The following CNTN4 variants were observed in gnomAD, a reference collection of about 807,000 sequenced individuals.
CNTN4 encodes contactin-4.
Under a neutral mutation model 122.5 loss-of-function variants are expected in CNTN4, and 77 were observed. The ratio of observed to expected loss-of-function variants is 0.63; its 90% CI spans 0.52 to 0.76. The LOEUF is 0.76. Among genes scored for constraint, CNTN4 ranks in the 30% least tolerant of loss-of-function variants. CNTN4 has a pLI of 0.00. For missense variants in CNTN4, 1,256 were observed against 1,259.1 expected, an observed-to-expected ratio of 1.00 and a Z score of 0.04; for synonymous variants, 512 against 447.0, an observed-to-expected ratio of 1.15 and a Z score of -1.83.
chr3:2,146,753 T>C (rs954054974), intron 2 of CNTN4, among the ~76,000 whole-genome samples: 2 of 152,218 alleles, frequency 1.3e-5, no homozygotes, highest in African/African-American at 4.8e-5. Flanking sequence ...ATATGTCACC[T>C]TACCTATAAA....
intron 3 of CNTN4, among the ~76,000 whole-genome samples, chr3:2,372,600 A>G (rs1014903296): frequency 7.9e-5 from 12 of 152,206 alleles, no homozygotes; most frequent in Non-Finnish European, 1.5e-5. Flanking sequence ...AAGTAAATTC[A>G]TTGTCTTTTG....
At chr3:2,877,148 T>C (rs1485023889) in intron 8 of CNTN4, among the ~76,000 whole-genome samples, 1 of 152,226 alleles carries the variant, frequency 6.6e-6, no homozygotes, top group East Asian at 1.9e-4. Context: ...ATTGCCTGCA[T>C]GTGCCCCATT....
At chr3:2,748,965 C>G (rs892897348) in intron 6 of CNTN4, among the ~76,000 whole-genome samples, 14 of 152,114 alleles carry the variant, frequency 9.2e-5, no homozygotes, top group African/African-American at 3.4e-4. Context: ...GCCTGATCAG[C>G]TTTTCTCATG....
At position 2,167,844 on chromosome 3, in the gene CNTN4, A is replaced by G. The variant is rs536994733; in HGVS notation, c.-145+67205A>G. Among the ~76,000 whole-genome samples, 11 of 152,316 alleles carry G rather than the reference A, an allele frequency of 7.2e-5. No homozygotes were observed. In the South Asian group the frequency reaches 1.7e-3, roughly 23 times the overall value. ...CCTCGTTTGAGAACCCCTGGTTTGA[A>G]TATTACAGTTCAGTTAAGATTTATT... On this transcript the variant is annotated intron_variant, in intron 2 of 24. Coordinates refer to ENST00000418658, the MANE Select transcript of CNTN4 (RefSeq NM_175607.3).
intron 6 of CNTN4, among the ~76,000 whole-genome samples, chr3:2,752,847 C>T (rs1409673042): frequency 1.3e-5 from 2 of 152,190 alleles, no homozygotes; most frequent in Non-Finnish European, 2.9e-5. Context: ...TATTTAGCTT[C>T]CACATACAAT....
chr3:2,924,635 T>A (rs567789765), intron 12 of CNTN4, among the ~76,000 whole-genome samples: 2 of 152,346 alleles, frequency 1.3e-5, no homozygotes, highest in East Asian at 3.9e-4. Flanking sequence ...TGATAGTATT[T>A]CCATAGGACT....
At chr3:2,633,497 G>C (rs1226578140) in intron 4 of CNTN4, among the ~76,000 whole-genome samples, 1 of 152,186 alleles carries the variant, frequency 6.6e-6, no homozygotes, top group African/African-American at 2.4e-5. Flanking sequence ...AAACACATAG[G>C]CTTCTCACGT....
intron 7 of CNTN4, among the ~76,000 whole-genome samples, chr3:2,852,324 G>T (rs191491721): frequency 6.6e-6 from 1 of 152,032 alleles, no homozygotes; most frequent in Admixed American, 6.5e-5. Context: ...AATAACTTTA[G>T]GAAAATAAAA....
chr3:2,396,562 T>A (rs2046648055), intron 3 of CNTN4, among the ~76,000 whole-genome samples: 2 of 151,998 alleles, frequency 1.3e-5, no homozygotes, highest in South Asian at 4.1e-4. Flanking sequence ...CCCTTTGAAT[T>A]AGCTGCTTAA....
At chr3:2,270,074 C>T (rs1237848834) in intron 2 of CNTN4, among the ~76,000 whole-genome samples, 1 of 92,236 alleles carries the variant, frequency 1.1e-5, no homozygotes, top group Non-Finnish European at 2.4e-5. Context: ...CTCAGCCTCC[C>T]CAGTAGCTGG....
intron 2 of CNTN4, among the ~76,000 whole-genome samples, chr3:2,191,365 C>G (rs1017075558): frequency 6.6e-6 from 1 of 151,890 alleles, no homozygotes; most frequent in African/African-American, 2.4e-5. Flanking sequence ...TCAGTATAGC[C>G]CCTACATTAA....
intron 3 of CNTN4, chr3:2,362,747 C>A (rs1464426305): frequency 3.4e-6 from 1 of 298,206 alleles, no homozygotes; most frequent in Non-Finnish European, 6.6e-6. Context: ...CAGCTTTAAC[C>A]TCTGAACTGA....
intron 14 of CNTN4, among the ~76,000 whole-genome samples, chr3:3,008,475 C>T (rs1057031287): frequency 6.6e-6 from 1 of 152,220 alleles, no homozygotes; most frequent in African/African-American, 2.4e-5. Context: ...ATCCTCAACT[C>T]ATTAAATATG....
rs79516275 is a variant in CNTN4 at position 2,725,434 on chromosome 3, C to T, written c.56-10781C>T. Reference sequence around the variant, plus strand: ...AGATTCTTTATGCGTAGAAAGAATACACAAATGCATATTGAAGGCATTAGC... The same window carrying T: ...AGATTCTTTATGCGTAGAAAGAATATACAAATGCATATTGAAGGCATTAGC... On this transcript the variant is annotated intron_variant, in intron 4 of 24. Coordinates refer to ENST00000418658, the MANE Select transcript of CNTN4 (RefSeq NM_175607.3). Among the ~76,000 whole-genome samples the T allele has an allele frequency of 5.2e-4, 79 of 152,208 alleles. No homozygotes were observed. The East Asian group carries it at 0.014, about 28-fold the overall frequency.
intron 4 of CNTN4, among the ~76,000 whole-genome samples, chr3:2,641,356 T>A (rs1188663634): frequency 6.6e-6 from 1 of 152,184 alleles, no homozygotes; most frequent in Non-Finnish European, 1.5e-5. Flanking sequence ...ATTATTCACA[T>A]TTTTTGTAGA....
intron 6 of CNTN4, among the ~76,000 whole-genome samples, chr3:2,771,224 G>A (rs148697370): frequency 3.3e-5 from 5 of 152,322 alleles, no homozygotes; most frequent in African/African-American, 4.8e-5. Context: ...TGTTTCTTTG[G>A]TTGAAAAGCA....
chr3:2,132,492 G>C (rs1299434526), intron 2 of CNTN4: 2 of 152,120 alleles, frequency 1.3e-5, no homozygotes, highest in Admixed American at 1.3e-4. Context: ...CTCAAATGAA[G>C]GTGAGCAGCT....
chr3:2,316,002 G>T (rs1034552263), intron 2 of CNTN4, among the ~76,000 whole-genome samples: 6 of 151,752 alleles, frequency 4.0e-5, no homozygotes, highest in African/African-American at 1.5e-4. Flanking sequence ...TCTAACTTCT[G>T]GTATTATTTG....
chr3:2,905,288 T>C (rs1230731306), intron 12 of CNTN4, among the ~76,000 whole-genome samples: 3 of 152,192 alleles, frequency 2.0e-5, no homozygotes, highest in Non-Finnish European at 4.4e-5. Context: ...ACTGCAAACA[T>C]GGTGGCTTAT....
Sources: allele counts gnomAD v4.1 joint callset (sites outside exome capture counted in the v4.1 genomes callset), GRCh38; gene constraint gnomAD v4.1.1; transcripts MANE v1.5; gene names NCBI Gene and HGNC (gene_info 2026-07-23, HGNC 2026-07-21).